DKK2: variants seen among roughly 807,000 people sequenced by gnomAD.
The protein encoded by DKK2 is dickkopf Wnt signaling pathway inhibitor 2.
In DKK2, 11 loss-of-function variants were observed where a neutral mutation model predicts 28.1. The observed-to-expected ratio is 0.39, with a 90% CI of 0.25 to 0.65. The LOEUF (loss-of-function observed/expected upper bound fraction) is 0.65. Among genes scored for constraint, DKK2 ranks in the 30% least tolerant of loss-of-function variants. DKK2 has a pLI of 0.47. For synonymous variants in DKK2, 135 were observed against 126.5 expected, an observed-to-expected ratio of 1.07 and a Z score of -0.45; for missense variants, 326 against 335.5, an observed-to-expected ratio of 0.97 and a Z score of 0.22.
intron 1 of DKK2, among the ~76,000 whole-genome samples, chr4:106,943,387 G>T (rs1353422168): frequency 6.6e-6 from 1 of 152,088 alleles, no homozygotes; most frequent in African/African-American, 2.4e-5. Context: ...CATGAAATTT[G>T]TTGCAACAGT....
chr4:107,012,941 G>T (rs1723536733), intron 1 of DKK2, among the ~76,000 whole-genome samples: 1 of 150,196 alleles, frequency 6.7e-6, no homozygotes, highest in Non-Finnish European at 1.5e-5. Flanking sequence ...AATATTTTAA[G>T]TATATTTTAT....
rs577534924 is a variant in DKK2 at position 106,974,911 on chromosome 4, G to A, written c.223-48962C>T. ...AATAGCTCTTATTATTTTGAGATAC[G>A]TTCCATCAATAACTAGTTTATTGAC... On this transcript the variant is annotated intron_variant, in intron 1 of 3. Transcript: ENST00000285311. 1.7e-4 allele frequency among the ~76,000 whole-genome samples: 26 copies of A among 152,230 alleles called. 1 individual carries two copies. The highest frequency in any genetic ancestry group is 1.0e-3 in the South Asian group (5 of 4,824).
intron 1 of DKK2, among the ~76,000 whole-genome samples, chr4:106,987,038 A>G (rs1723129640): frequency 6.6e-6 from 1 of 152,268 alleles, no homozygotes; most frequent in African/African-American, 2.4e-5. Flanking sequence ...TAGCAAAGGC[A>G]GATTTTTTAA....
chr4:106,999,873 T>G (rs1723335072), intron 1 of DKK2, among the ~76,000 whole-genome samples: 1 of 152,146 alleles, frequency 6.6e-6, no homozygotes, highest in Admixed American at 6.6e-5. Flanking sequence ...TTTGTCAAGG[T>G]TTCAATTCTT....
intron 1 of DKK2, among the ~76,000 whole-genome samples, chr4:107,023,941 C>A (rs531942651): frequency 6.6e-4 from 100 of 152,198 alleles, no homozygotes; most frequent in African/African-American, 2.3e-3. Flanking sequence ...ACAAATGGAC[C>A]TATTACATTG....
At chr4:107,028,694 C>A (rs918250335) in intron 1 of DKK2, among the ~76,000 whole-genome samples, 4 of 152,058 alleles carry the variant, frequency 2.6e-5, no homozygotes, top group African/African-American at 9.7e-5. Context: ...ATTATCTGAA[C>A]GGCAGCTAGA....
At chr4:106,937,445 A>G (rs1724611800) in intron 1 of DKK2, among the ~76,000 whole-genome samples, 1 of 128,424 alleles carries the variant, frequency 7.8e-6, no homozygotes, top group South Asian at 2.9e-4. Flanking sequence ...CACCCAATAC[A>G]GGAGCACCAA....
intron 1 of DKK2, among the ~76,000 whole-genome samples, chr4:106,964,312 T>G (rs1722735402): frequency 6.6e-6 from 1 of 151,998 alleles, no homozygotes; most frequent in Non-Finnish European, 1.5e-5. Flanking sequence ...AATATTGAAC[T>G]CCTGGAGGTC....
chr4:107,018,089 C>G (rs1723636197), intron 1 of DKK2, among the ~76,000 whole-genome samples: 1 of 152,028 alleles, frequency 6.6e-6, no homozygotes, highest in Non-Finnish European at 1.5e-5. Flanking sequence ...GGCCCAGACT[C>G]TTAGAACACA....
intron 1 of DKK2, among the ~76,000 whole-genome samples, chr4:106,988,998 G>A (rs917250246): frequency 6.6e-6 from 1 of 152,178 alleles, no homozygotes; most frequent in Non-Finnish European, 1.5e-5. Context: ...AATGCAGAAT[G>A]CTCAAACTGG....
intron 1 of DKK2, among the ~76,000 whole-genome samples, chr4:106,999,709 T>G (rs1242486073): frequency 3.9e-5 from 6 of 152,194 alleles, no homozygotes; most frequent in African/African-American, 9.6e-5. Flanking sequence ...CAATTCTTAT[T>G]TTTATTTTTT....
Position 106,924,033 on chromosome 4 carries a change from G to A in DKK2, c.701C>T (p.Ala234Val), listed in dbSNP as rs1022779034. The A allele has an allele frequency of 3.0e-5, 49 of 1,613,798 alleles. No individual in the cohort carries two copies. The highest frequency in any genetic ancestry group is 1.7e-4 in the Admixed American group (10 of 59,990). Residue 234 changes from alanine to valine, a missense_variant, in exon 4 of 4, where the codon GCG becomes GTG. By Grantham distance (64) the Ala-to-Val change is moderately conservative. Transcript: ENST00000285311. ...CCATACTTTGCAAGACAGGCCCTTCGCACAGTCGCAACGCTGGAAAATTTC... is the reference window on the plus strand; with the variant it reads ...CCATACTTTGCAAGACAGGCCCTTCACACAGTCGCAACGCTGGAAAATTTC... Reference protein sequence around the residue: ...GLEIFQRCDCAKGLSCKVWKD... With the variant: ...GLEIFQRCDCVKGLSCKVWKD...
At chr4:107,005,366 A>C (rs1723424154) in intron 1 of DKK2, among the ~76,000 whole-genome samples, 2 of 151,548 alleles carry the variant, frequency 1.3e-5, no homozygotes, top group South Asian at 4.1e-4. Flanking sequence ...AAAAAACAAA[A>C]ACAAAAGATG....
chr4:107,018,903 A>G (rs1723651431), intron 1 of DKK2, among the ~76,000 whole-genome samples: 1 of 152,066 alleles, frequency 6.6e-6, no homozygotes, highest in Admixed American at 6.6e-5. Context: ...AACTATCTTT[A>G]AGTCCTGGTT....
Position 106,986,718 on chromosome 4 carries a change from C to T in DKK2, c.222+48652G>A, listed in dbSNP as rs536241431. 2.6e-5 allele frequency among the ~76,000 whole-genome samples: 4 copies of T among 152,222 alleles called. No individual in the cohort carries two copies. In the South Asian group the frequency reaches 8.3e-4, roughly 32 times the overall value. ...AGAAGAGCCTACAGTCTTCCTAATT[C>T]GAAGCAGCTGGTACATTCTAAATAT... On this transcript the variant is annotated intron_variant, in intron 1 of 3. Transcript: ENST00000285311.
rs35333301 is a variant in DKK2, at chr4:107,005,340, C to CAAAAAAA, written c.222+30023_222+30029dup. 1.6e-3 allele frequency among the ~76,000 whole-genome samples: 113 copies of CAAAAAAA among 71,862 alleles called. 1 individual carries two copies. Among genetic ancestry groups the CAAAAAAA allele is most frequent in the Middle Eastern group, 0.018 (2 of 114 alleles). The allele number at this position is 71,862 out of a possible 152,430, so 47.1% of individuals were successfully genotyped here. A position where few individuals can be genotyped will look rare whatever the true frequency, so the allele number is the denominator to read the frequency against. On this transcript the variant is annotated intron_variant, in intron 1 of 3. Coordinates refer to ENST00000285311, the MANE Select transcript of DKK2 (RefSeq NM_014421.3). ...TGGGTGACAGAGGGAGACTTGGTCT[C>CAAAAAAA]AAAAAAAAAAAAAAAAAAAAACAAA...
intron 1 of DKK2, among the ~76,000 whole-genome samples, chr4:106,938,119 A>C (rs554083543): frequency 2.7e-5 from 4 of 147,428 alleles, no homozygotes; most frequent in African/African-American, 1.0e-4. Context: ...AACTAAAATC[A>C]GAGCAGAACT....
At chr4:106,933,279 T>G (rs1045611001) in intron 1 of DKK2, among the ~76,000 whole-genome samples, 3 of 152,220 alleles carry the variant, frequency 2.0e-5, no homozygotes, top group Admixed American at 6.5e-5. Context: ...TGCAACTCAG[T>G]ATTACCTCCA....
intron 1 of DKK2, among the ~76,000 whole-genome samples, chr4:106,952,916 T>G (rs1722502584): frequency 6.6e-6 from 1 of 152,148 alleles, no homozygotes; most frequent in African/African-American, 2.4e-5. Context: ...AATTTAATCT[T>G]TCATCTTCCC....
Sources: allele counts gnomAD v4.1 joint callset (sites outside exome capture counted in the v4.1 genomes callset), GRCh38; gene constraint gnomAD v4.1.1; transcripts MANE v1.5; gene names NCBI Gene and HGNC (gene_info 2026-07-23, HGNC 2026-07-21).